Variants in FOXP2 observed in about 807,000 individuals in gnomAD.
FOXP2 encodes the protein forkhead box protein P2.
A neutral mutation model predicts 115.8 loss-of-function variants in FOXP2; 12 were observed. The ratio of observed to expected loss-of-function variants is 0.10; its 90% CI spans 0.07 to 0.17. FOXP2 has a LOEUF of 0.17. Ranked by LOEUF, FOXP2 falls within the 10% of genes least tolerant of loss-of-function variation. The probability of loss-of-function intolerance (pLI) is 1.00; values close to 1 mark genes in which losing one functional copy is unlikely to be tolerated. For synonymous variants in FOXP2, 328 were observed against 297.7 expected, an observed-to-expected ratio of 1.10 and a Z score of -1.05; for missense variants, 629 against 843.5, an observed-to-expected ratio of 0.75 and a Z score of 3.15.
At chr7:114,340,773 A>C (rs1791183699) in intron 2 of FOXP2, among the ~76,000 whole-genome samples, 1 of 151,142 alleles carries the variant, frequency 6.6e-6, no homozygotes, top group Non-Finnish European at 1.5e-5. Context: ...CTGTGTTGCA[A>C]CACCACCCTA....
At chr7:114,349,667 GTGTC>G (rs1332328395) in intron 2 of FOXP2, among the ~76,000 whole-genome samples, 1 of 124,680 alleles carries the variant, frequency 8.0e-6, no homozygotes, top group African/African-American at 2.5e-5. Flanking sequence ...AGGTGTGTGT[GTGTC>G]TGTGTGTGTG....
At chr7:114,273,051 T>G (rs1242546859) in intron 1 of FOXP2, among the ~76,000 whole-genome samples, 2 of 151,988 alleles carry the variant, frequency 1.3e-5, no homozygotes, top group Non-Finnish European at 2.9e-5. Context: ...TTCATATCTT[T>G]TTTTCTTTTC....
intron 1 of FOXP2, among the ~76,000 whole-genome samples, chr7:114,263,015 C>T (rs1795794905): frequency 6.6e-6 from 1 of 152,100 alleles, no homozygotes; most frequent in Non-Finnish European, 1.5e-5. Context: ...AACCTTTTTC[C>T]TTTTAGCTCT....
At chr7:114,361,492 T>A (rs1163085962) in intron 2 of FOXP2, among the ~76,000 whole-genome samples, 1 of 152,108 alleles carries the variant, frequency 6.6e-6, no homozygotes, top group Non-Finnish European at 1.5e-5. Context: ...ATTTCAAGTA[T>A]AATTTGTTCA....
At chr7:114,171,030 G>T (rs767481657) in intron 1 of FOXP2, among the ~76,000 whole-genome samples, 2 of 152,174 alleles carry the variant, frequency 1.3e-5, no homozygotes, top group African/African-American at 2.4e-5. Flanking sequence ...CAAAGGACAG[G>T]CTGACTCTTT....
intron 2 of FOXP2, among the ~76,000 whole-genome samples, chr7:114,369,583 A>G (rs573945407): frequency 1.1e-3 from 161 of 152,296 alleles, no homozygotes; most frequent in Non-Finnish European, 1.8e-3. Context: ...GATGCTTCAT[A>G]TCGTGTCTCT....
chr7:114,208,873 T>A (rs1001156555), intron 1 of FOXP2, among the ~76,000 whole-genome samples: 3 of 151,976 alleles, frequency 2.0e-5, no homozygotes, highest in Non-Finnish European at 4.4e-5. Context: ...TGGAACTGAG[T>A]CCATTAAACC....
chr7:114,172,217 T>C (rs925113446), intron 1 of FOXP2, among the ~76,000 whole-genome samples: 11 of 152,244 alleles, frequency 7.2e-5, no homozygotes, highest in African/African-American at 2.7e-4. Context: ...AAAGAATTTA[T>C]GTGACTTGCT....
At chr7:114,372,176 A>C (rs1257575773) in intron 2 of FOXP2, among the ~76,000 whole-genome samples, 1 of 152,188 alleles carries the variant, frequency 6.6e-6, no homozygotes. Flanking sequence ...TTCCCAGGAA[A>C]ACTTAACTAT....
chr7:114,114,837 G>A (rs1441933015), intron 1 of FOXP2, among the ~76,000 whole-genome samples: 1 of 152,018 alleles, frequency 6.6e-6, no homozygotes, highest in Non-Finnish European at 1.5e-5. Context: ...ATTTTGACTT[G>A]TATTAAATAA....
At chr7:114,258,937 A>C (rs914390161) in intron 1 of FOXP2, among the ~76,000 whole-genome samples, 1 of 152,180 alleles carries the variant, frequency 6.6e-6, no homozygotes, top group Non-Finnish European at 1.5e-5. Context: ...TCCTATGGGG[A>C]TGTGGTTTCC....
At chr7:114,170,500 A>T (rs1254673946) in intron 1 of FOXP2, among the ~76,000 whole-genome samples, 1 of 152,226 alleles carries the variant, frequency 6.6e-6, no homozygotes, top group Non-Finnish European at 1.5e-5. Context: ...ATAGGCCGAA[A>T]GTTAGGCCTC....
intron 2 of FOXP2, among the ~76,000 whole-genome samples, chr7:114,461,556 T>G (rs1795560402): frequency 6.6e-6 from 1 of 152,174 alleles, no homozygotes; most frequent in South Asian, 2.1e-4. Flanking sequence ...TTTAGGCAAC[T>G]TGCTTTATTC....
At chr7:114,242,468 C>G (rs1318360982) in intron 1 of FOXP2, among the ~76,000 whole-genome samples, 1 of 151,950 alleles carries the variant, frequency 6.6e-6, no homozygotes, top group African/African-American at 2.4e-5. Flanking sequence ...TTGACCATAT[C>G]CCCATAACCA....
chr7:114,172,411 A>G (rs1793171991), intron 1 of FOXP2, among the ~76,000 whole-genome samples: 1 of 152,192 alleles, frequency 6.6e-6, no homozygotes, highest in Non-Finnish European at 1.5e-5. Context: ...GCCATTCTCT[A>G]TGATATTTTA....
At chr7:114,515,040 C>T (rs1351764499) in intron 2 of FOXP2, among the ~76,000 whole-genome samples, 35 of 151,376 alleles carry the variant, frequency 2.3e-4, no homozygotes, top group African/African-American at 8.5e-4. Flanking sequence ...CTACAAAGGA[C>T]ATGAACTCAT....
chr7:114,631,530 G>C lies in FOXP2; in HGVS notation c.600G>C (p.Gln200His), dbSNP rs1281884581. The stretch of plus-strand genomic sequence containing the variant: ...TGGTTTGGGTTTTCTGATACCAGCA[G>C]CAGCAGCAGCAGCAGCAGCAACAGC... ...QQHPGKQAKE[Q>H]QQQQQQQQQL... Residue 200 changes from glutamine to histidine, a missense_variant and splice_region_variant, in exon 6 of 17, where the codon CAG becomes CAC. This residue lies in a region of FOXP2 where 138 missense variants were observed against 205.1 expected (regional missense o/e 0.67). Transcript: ENST00000350908. The C allele has an allele frequency of 3.2e-6, 5 of 1,564,166 alleles. No homozygotes were observed. Among genetic ancestry groups the C allele is most frequent in the East Asian group, 2.4e-5 (1 of 42,074 alleles).
intron 1 of FOXP2, among the ~76,000 whole-genome samples, chr7:114,266,096 C>G (rs1214840338): frequency 6.6e-6 from 1 of 152,066 alleles, no homozygotes. Context: ...AAAACTGGAC[C>G]TATCAGCCCA....
intron 1 of FOXP2, among the ~76,000 whole-genome samples, chr7:114,273,113 A>G (rs754119406): frequency 6.6e-6 from 1 of 151,884 alleles, no homozygotes. Flanking sequence ...ATATTACTTT[A>G]TCCCACACAT....
Sources: allele counts gnomAD v4.1 joint callset (sites outside exome capture counted in the v4.1 genomes callset), GRCh38; gene constraint gnomAD v4.1.1; regional missense constraint gnomAD v4.1.1; transcripts MANE v1.5; gene names NCBI Gene and HGNC (gene_info 2026-07-23, HGNC 2026-07-21).